SCG5: variants seen among roughly 807,000 people sequenced by gnomAD.
The protein encoded by SCG5 is secretogranin V, also known as neuroendocrine protein 7B2.
In SCG5, 18 loss-of-function variants were observed where a neutral mutation model predicts 25.7. That is an observed-to-expected ratio of 0.70 (90% CI 0.48 to 1.04). The LOEUF is 1.04. Ranked by LOEUF, SCG5 falls within the 50% of genes least tolerant of loss-of-function variation. The pLI, the probability that SCG5 is intolerant of heterozygous loss-of-function variation, is 0.00. For missense variants in SCG5, 206 were observed against 259.8 expected (o/e 0.79, Z 1.42); for synonymous variants, 101 against 91.7 (o/e 1.10, Z -0.58).
At chr15:32,655,793 C>T (rs891653890) in intron 2 of SCG5, among the ~76,000 whole-genome samples, 1 of 152,180 alleles carries the variant, frequency 6.6e-6, no homozygotes, top group African/African-American at 2.4e-5. Flanking sequence ...AACAGGCCCT[C>T]ACCAGACACA....
At chr15:32,651,968 C>A (rs1365860093) in intron 2 of SCG5, among the ~76,000 whole-genome samples, 1 of 152,058 alleles carries the variant, frequency 6.6e-6, no homozygotes. Context: ...GATGGGGTCA[C>A]CCTGGGTGGG....
At chr15:32,646,602 G>A (rs899404425) in intron 2 of SCG5, among the ~76,000 whole-genome samples, 2 of 152,146 alleles carry the variant, frequency 1.3e-5, no homozygotes, top group African/African-American at 4.8e-5. Context: ...CCAGCAGGTG[G>A]GAATCTTGGG....
In SCG5 at chr15:32,675,864, G is replaced by C. The variant is rs1486554340; in HGVS notation, c.227-3902G>C. Among the ~76,000 whole-genome samples the C allele has an allele frequency of 3.9e-5, 6 of 152,132 alleles. No homozygotes were observed. The East Asian group carries it at 5.8e-4, about 15-fold the overall frequency. ...ACTGACCCTCTAGTACCTAGCCCAG[G>C]TTTTGATTATATATTATGTGCTCAA... On this transcript the variant is annotated intron_variant, in intron 2 of 5. Coordinates refer to ENST00000300175, the MANE Select transcript of SCG5 (RefSeq NM_001144757.3).
intron 5 of SCG5, among the ~76,000 whole-genome samples, chr15:32,692,865 A>G (rs959272466): frequency 6.6e-6 from 1 of 152,168 alleles, no homozygotes; most frequent in African/African-American, 2.4e-5. Context: ...AAGCCCCTGT[A>G]CTGCCTGACA....
chr15:32,681,411 A>G (rs572847107), intron 3 of SCG5, among the ~76,000 whole-genome samples: 1 of 152,136 alleles, frequency 6.6e-6, no homozygotes, highest in Admixed American at 6.5e-5. Context: ...TGTGTACTCA[A>G]CCACCAGGAC....
chr15:32,692,232 CA>C lies in SCG5; in HGVS notation c.543+472del, dbSNP rs566349459. On this transcript the variant is annotated intron_variant, in intron 5 of 5. Coordinates refer to ENST00000300175, the MANE Select transcript of SCG5 (RefSeq NM_001144757.3). ...ATTCGGGAGCAAAAGATGAGATGAA[CA>C]AACTTAATTTCTCCTATGTATCTTT... 1,718 of 991,988 alleles carry C rather than the reference CA, an allele frequency of 1.7e-3. 3 individuals are homozygous for C. Among genetic ancestry groups the C allele is most frequent in the Non-Finnish European group, 1.8e-3 (1,492 of 834,672 alleles). The allele number at this position is 991,988 out of a possible 1,614,324, so 61.4% of individuals were successfully genotyped here.
intron 4 of SCG5, among the ~76,000 whole-genome samples, chr15:32,688,382 C>T (rs991760980): frequency 6.6e-6 from 1 of 152,156 alleles, no homozygotes; most frequent in African/African-American, 2.4e-5. Context: ...ACCTTTTCAT[C>T]AGTAGCTGAT....
chr15:32,643,530 A>G, intron 1 of SCG5, 56 bp from the exon 2 acceptor site: 1 of 1,328,294 alleles, frequency 7.5e-7, no homozygotes, highest in Admixed American at 1.7e-5. Context: ...TTATAATTGT[A>G]TTATCACAAT....
rs560678269 is a variant in SCG5, at chr15:32,691,232, G to A, written c.490-478G>A. 1.2e-3 allele frequency among the ~76,000 whole-genome samples: 181 copies of A among 152,308 alleles called. 1 individual carries two copies. Among genetic ancestry groups the A allele is most frequent in the Non-Finnish European group, 2.4e-3 (161 of 68,040 alleles). ...GGTTTTCCAATTGTCTTGACTGGGG[G>A]CACTGACTTAACGCCACAGACAAAA... On this transcript the variant is annotated intron_variant, in intron 4 of 5. Coordinates refer to ENST00000300175, the MANE Select transcript of SCG5 (RefSeq NM_001144757.3).
chr15:32,692,399 T>A, intron 5 of SCG5: 1 of 335,850 alleles, frequency 3.0e-6, no homozygotes, highest in Non-Finnish European at 4.2e-6. Flanking sequence ...ACTCCACATT[T>A]AGCTACTTCA....
At chr15:32,666,877 C>A (rs190051574) in intron 2 of SCG5, among the ~76,000 whole-genome samples, 5 of 152,214 alleles carry the variant, frequency 3.3e-5, no homozygotes, top group African/African-American at 4.8e-5. Context: ...CACTTTTGAT[C>A]GCCATGTCTA....
intron 4 of SCG5, among the ~76,000 whole-genome samples, chr15:32,684,975 A>G (rs759697192): frequency 4.6e-5 from 7 of 152,164 alleles, no homozygotes; most frequent in Non-Finnish European, 1.0e-4. Flanking sequence ...CCAGTGTTTC[A>G]TGCATCTCTA....
intron 2 of SCG5, among the ~76,000 whole-genome samples, chr15:32,663,639 T>C (rs1275587376): frequency 1.3e-5 from 2 of 152,198 alleles, no homozygotes; most frequent in East Asian, 3.8e-4. Flanking sequence ...TCCTGGCCCC[T>C]AATCTCTCCA....
At chr15:32,659,844 G>C (rs918216002) in intron 2 of SCG5, among the ~76,000 whole-genome samples, 1 of 151,878 alleles carries the variant, frequency 6.6e-6, no homozygotes, top group African/African-American at 2.4e-5. Context: ...AATTGAACCA[G>C]CAGGTCCCTT....
chr15:32,683,863 G>A (rs138456586), intron 3 of SCG5, among the ~76,000 whole-genome samples: 10 of 152,360 alleles, frequency 6.6e-5, no homozygotes, highest in African/African-American at 2.4e-4. Context: ...TCTCCAAGAA[G>A]CCAAAGTAGT....
intron 2 of SCG5, among the ~76,000 whole-genome samples, chr15:32,650,247 G>A (rs1311606994): frequency 3.9e-5 from 6 of 152,006 alleles, no homozygotes; most frequent in Admixed American, 2.0e-4. Flanking sequence ...ACAGGTGCCC[G>A]CCACCACACC....
chr15:32,680,320 C>T (rs771693164), intron 3 of SCG5, among the ~76,000 whole-genome samples: 1 of 151,488 alleles, frequency 6.6e-6, no homozygotes, highest in East Asian at 1.9e-4. Context: ...CTCAGCCTCC[C>T]GAGTACCTGG....
intron 2 of SCG5, among the ~76,000 whole-genome samples, chr15:32,660,123 C>T (rs1448642692): frequency 6.6e-6 from 1 of 152,104 alleles, no homozygotes; most frequent in Non-Finnish European, 1.5e-5. Flanking sequence ...TTTTGGCAGT[C>T]GTCTATCATT....
Position 32,696,700 on chromosome 15 carries a change from A to T in SCG5, c.*91A>T, listed in dbSNP as rs551696371. 3.9e-6 allele frequency: 3 copies of T among 760,204 alleles called. No homozygotes were observed. In the African/African-American group the frequency reaches 5.1e-5, roughly 13 times the overall value. The allele number at this position is 760,204 out of a possible 1,614,324, so 47.1% of individuals were successfully genotyped here. On this transcript the variant is annotated 3_prime_UTR_variant, in exon 6 of 6. Transcript: ENST00000300175. ...AAATGGAGTCCCTGTGAATGACAGC[A>T]TGTTTCTTACATAGATAATTATGGA... is the stretch of plus-strand genomic sequence containing the variant.
Sources: gnomAD v4.1 joint callset for allele counts (sites outside exome capture counted in the v4.1 genomes callset) on GRCh38, gnomAD v4.1.1 for gene constraint, MANE v1.5 for transcripts, NCBI Gene and HGNC (gene_info 2026-07-23, HGNC 2026-07-21) for gene names.